TAOK3: variants seen among roughly 807,000 people sequenced by gnomAD.
TAOK3 encodes the protein serine/threonine-protein kinase TAO3.
Under a neutral mutation model 120.4 loss-of-function variants are expected in TAOK3, and 40 were observed. That is an observed-to-expected ratio of 0.33 (90% confidence interval 0.26 to 0.43). The LOEUF is 0.43. Ranked by LOEUF, TAOK3 falls within the 20% of genes least tolerant of loss-of-function variation. The pLI, the probability that TAOK3 is intolerant of heterozygous loss-of-function variation, is 1.00. For missense variants in TAOK3, 821 were observed against 1,112.1 expected, an observed-to-expected ratio of 0.74 and a Z score of 3.72; for synonymous variants, 355 against 387.5, an observed-to-expected ratio of 0.92 and a Z score of 0.99.
rs1262015957 is a variant in TAOK3 at position 118,255,518 on chromosome 12, T to C, written c.50A>G (p.Lys17Arg). Residue 17 changes from lysine (K) to arginine (R), a missense_variant, in exon 3 of 21, where the codon AAA becomes AGA. Coordinates refer to ENST00000392533, the MANE Select transcript of TAOK3 (RefSeq NM_016281.4). ...AATAAAAAGTTCCTCAGGATCATCTTTGTAGAATAGATCGGCAATCTCTGG... is the reference window on the plus strand; with the variant it reads ...AATAAAAAGTTCCTCAGGATCATCTCTGTAGAATAGATCGGCAATCTCTGG... Reference protein sequence around the residue: ...KDPEIADLFYKDDPEELFIGL... With the variant: ...KDPEIADLFYRDDPEELFIGL... 4 of 1,614,168 alleles carry C rather than the reference T, an allele frequency of 2.5e-6. No homozygotes were observed. The highest frequency in any genetic ancestry group is 1.7e-5 in the Admixed American group (1 of 60,018).
chr12:118,356,749 C>CA (rs151323391), intron 1 of TAOK3, among the ~76,000 whole-genome samples: 13,401 of 150,274 alleles, frequency 0.089, 1,543 homozygotes, highest in African/African-American at 0.26. Flanking sequence ...TCCCTCTTTA[C>CA]AAAAAAAAAG....
intron 1 of TAOK3, among the ~76,000 whole-genome samples, chr12:118,274,983 A>G (rs1186244194): frequency 6.6e-6 from 1 of 152,206 alleles, no homozygotes; most frequent in Non-Finnish European, 1.5e-5. Context: ...CATCTACTTC[A>G]GAAAAAAATG....
intron 1 of TAOK3, among the ~76,000 whole-genome samples, chr12:118,332,961 CA>C (rs2044212362): frequency 6.8e-6 from 1 of 146,550 alleles, no homozygotes; most frequent in African/African-American, 2.6e-5. Context: ...GTACATGCAC[CA>C]AACAACAGTT....
chr12:118,294,446 C>T (rs950342250), intron 1 of TAOK3, among the ~76,000 whole-genome samples: 3 of 151,692 alleles, frequency 2.0e-5, no homozygotes, highest in African/African-American at 4.8e-5. Flanking sequence ...TGCAGTACTG[C>T]ACTCTCGGCT....
chr12:118,283,513 C>G (rs942772463), intron 1 of TAOK3: 5 of 152,842 alleles, frequency 3.3e-5, no homozygotes, highest in African/African-American at 1.2e-4. Context: ...GGGCGGATCA[C>G]AAGGTTAAGA....
At chr12:118,169,841 C>A (rs949671221) in intron 17 of TAOK3, among the ~76,000 whole-genome samples, 1 of 152,112 alleles carries the variant, frequency 6.6e-6, no homozygotes, top group Non-Finnish European at 1.5e-5. Flanking sequence ...CTGCCTCAGC[C>A]TCCCGAGTAG....
At chr12:118,322,581 T>G (rs978372524) in intron 1 of TAOK3, among the ~76,000 whole-genome samples, 4 of 151,978 alleles carry the variant, frequency 2.6e-5, no homozygotes, top group Admixed American at 6.6e-5. Context: ...CAGCCATAGG[T>G]AATAATAATA....
intron 1 of TAOK3, among the ~76,000 whole-genome samples, chr12:118,340,816 G>A (rs1424116592): frequency 6.6e-6 from 1 of 151,394 alleles, no homozygotes; most frequent in Non-Finnish European, 1.5e-5. Context: ...GGTGGCTCAT[G>A]CCTGTACTCC....
At chr12:118,255,322 A>T (rs888783764) in intron 3 of TAOK3, 126 bp downstream of exon 3, 10 of 927,550 alleles carry the variant, frequency 1.1e-5, no homozygotes, top group Non-Finnish European at 1.6e-5. Context: ...TATGTTGCCT[A>T]GGCTGGTCTT....
intron 19 of TAOK3, among the ~76,000 whole-genome samples, chr12:118,157,200 C>T (rs1286866065): frequency 6.6e-6 from 1 of 152,136 alleles, no homozygotes; most frequent in Non-Finnish European, 1.5e-5. Context: ...GGCTACCACT[C>T]CCTCATACCC....
At chr12:118,255,373 G>A (rs547382400) in intron 3 of TAOK3, 75 bp downstream of exon 3, 132 of 1,525,516 alleles carry the variant, frequency 8.7e-5, no homozygotes, top group African/African-American at 8.0e-4. Flanking sequence ...GATTACAGGC[G>A]TGAGTCACTG....
At chr12:118,257,942 C>T (rs2041059827) in intron 2 of TAOK3, among the ~76,000 whole-genome samples, 1 of 151,966 alleles carries the variant, frequency 6.6e-6, no homozygotes, top group South Asian at 2.1e-4. Flanking sequence ...GTCAAATGGA[C>T]TTATAGACAT....
chr12:118,212,508 T>C (rs1288966420), intron 11 of TAOK3, among the ~76,000 whole-genome samples: 1 of 152,228 alleles, frequency 6.6e-6, no homozygotes, highest in Non-Finnish European at 1.5e-5. Context: ...TGCCTGAGGA[T>C]TTGGCAACAA....
intron 1 of TAOK3, among the ~76,000 whole-genome samples, chr12:118,351,862 TTC>T (rs1256885152): frequency 1.6e-4 from 22 of 138,612 alleles, no homozygotes; most frequent in Admixed American, 3.1e-4. Flanking sequence ...TAATCTATAG[TTC>T]TTTTTTTTTT....
intron 1 of TAOK3, among the ~76,000 whole-genome samples, chr12:118,301,578 G>T (rs1294331705): frequency 6.6e-6 from 1 of 152,110 alleles, no homozygotes; most frequent in Non-Finnish European, 1.5e-5. Flanking sequence ...GGGCACGGTG[G>T]CTCACTCCTA....
At position 118,244,982 on chromosome 12, in the gene TAOK3, GAAGAAA is replaced by G. The variant is rs552194108; in HGVS notation, c.121-23_121-18del. On this transcript the variant is annotated intron_variant, in intron 3 of 20. Coordinates refer to ENST00000392533, the MANE Select transcript of TAOK3 (RefSeq NM_016281.4). Reference sequence around the variant, plus strand: ...ATTTGTAGCCTGTGTTAAGAGGGTAGAAGAAAAAGAAAAAGAATTAGTGATGTTTCA... The same window carrying G: ...ATTTGTAGCCTGTGTTAAGAGGGTAGAAGAAAAAGAATTAGTGATGTTTCA... 1.6e-5 allele frequency: 25 copies of G among 1,551,788 alleles called. No individual in the cohort carries two copies. The African/African-American group carries it at 1.9e-4, about 12-fold the overall frequency.
intron 17 of TAOK3, among the ~76,000 whole-genome samples, chr12:118,167,770 C>T (rs1593006483): frequency 1.3e-5 from 2 of 151,458 alleles, no homozygotes; most frequent in Middle Eastern, 6.8e-3. Context: ...CAAGTTATAT[C>T]TCTCCTAGGA....
intron 1 of TAOK3, among the ~76,000 whole-genome samples, chr12:118,346,702 T>C (rs149857172): frequency 9.0e-4 from 137 of 152,310 alleles, no homozygotes; most frequent in African/African-American, 3.1e-3. Flanking sequence ...GGCAAATGCA[T>C]TTAAAAGCAT....
intron 9 of TAOK3, among the ~76,000 whole-genome samples, chr12:118,224,404 C>G (rs930395745): frequency 1.3e-5 from 2 of 152,178 alleles, no homozygotes; most frequent in Admixed American, 1.3e-4. Context: ...GAAGAAAATT[C>G]CAGGCAGAGA....
Sources: allele counts gnomAD v4.1 joint callset (sites outside exome capture counted in the v4.1 genomes callset), GRCh38; gene constraint gnomAD v4.1.1; transcripts MANE v1.5; gene names NCBI Gene and HGNC (gene_info 2026-07-23, HGNC 2026-07-21).